The following FGF14 variants were observed in gnomAD, a reference collection of about 807,000 sequenced individuals.
The protein encoded by FGF14 is fibroblast growth factor 14, also known as fibroblast growth factor homologous factor 4.
In FGF14, 5 loss-of-function variants were observed where a neutral mutation model predicts 25.5. The observed-to-expected ratio is 0.20, with a 90% confidence interval of 0.10 to 0.41. The LOEUF is 0.41. Ranked by LOEUF, FGF14 falls within the 10% of genes least tolerant of loss-of-function variation. The probability of loss-of-function intolerance (pLI) is 1.00; values close to 1 mark genes in which losing one functional copy is unlikely to be tolerated. For missense variants in FGF14, 222 were observed against 320.1 expected (o/e 0.69, Z 2.34); for synonymous variants, 138 against 118.3 (o/e 1.17, Z -1.08).
chr13:101,854,151 T>A (rs2044003552), intron 3 of FGF14, among the ~76,000 whole-genome samples: 5 of 152,142 alleles, frequency 3.3e-5, no homozygotes. Context: ...GTACTCAAAC[T>A]GTGTGCGTAC....
intron 1 of FGF14, among the ~76,000 whole-genome samples, chr13:101,909,141 G>T: frequency 6.6e-6 from 1 of 152,164 alleles, no homozygotes; most frequent in Non-Finnish European, 1.5e-5. Context: ...AAAAACCCTA[G>T]AAGTAAACCT....
At chr13:102,010,159 T>C (rs1004319351) in intron 1 of FGF14, among the ~76,000 whole-genome samples, 17 of 152,198 alleles carry the variant, frequency 1.1e-4, no homozygotes, top group African/African-American at 4.1e-4. Flanking sequence ...ACTAGGTGCA[T>C]GGTGGAAATG....
intron 3 of FGF14, among the ~76,000 whole-genome samples, chr13:101,798,710 T>C (rs1388039430): frequency 6.6e-6 from 1 of 152,120 alleles, no homozygotes; most frequent in Non-Finnish European, 1.5e-5. Flanking sequence ...TGTGGAATCA[T>C]GGGTTGCATT....
At chr13:102,141,568 T>C (rs993528282) in intron 1 of FGF14, among the ~76,000 whole-genome samples, 8 of 152,134 alleles carry the variant, frequency 5.3e-5, no homozygotes, top group Admixed American at 2.0e-4. Context: ...AACCTGAAAA[T>C]CATGAGGAGT....
At chr13:102,078,280 A>G (rs2043455022) in intron 1 of FGF14, among the ~76,000 whole-genome samples, 2 of 152,202 alleles carry the variant, frequency 1.3e-5, no homozygotes, top group African/African-American at 4.8e-5. Context: ...ATATTTTAAG[A>G]AGTTCTCACC....
chr13:101,725,009 A>G (rs1417081079), intron 4 of FGF14, among the ~76,000 whole-genome samples: 2 of 151,940 alleles, frequency 1.3e-5, no homozygotes, highest in East Asian at 3.9e-4. Flanking sequence ...CTGGTTCCCA[A>G]ATTTTACCTC....
At chr13:102,372,202 T>C (rs1192239446) in intron 1 of FGF14, among the ~76,000 whole-genome samples, 1 of 152,208 alleles carries the variant, frequency 6.6e-6, no homozygotes, top group African/African-American at 2.4e-5. Flanking sequence ...GGATAAAACC[T>C]GCCCAACATC....
At chr13:102,017,018 G>A (rs2040382917) in intron 1 of FGF14, 1 of 161,166 alleles carries the variant, frequency 6.2e-6, no homozygotes, top group Non-Finnish European at 1.3e-5. Flanking sequence ...AATTCTATCT[G>A]TAACTGACTG....
At chr13:102,161,570 A>AGAAGAAGAAGAAGAAAGAAG (rs1555369390) in intron 1 of FGF14, among the ~76,000 whole-genome samples, 1 of 5,652 alleles carries the variant, frequency 1.8e-4, no homozygotes, top group Non-Finnish European at 2.4e-4. Context: ...TTCTGTGAAG[A>AGAAGAAGAAGAAGAAAGAAG]AAGAAAGAAG....
In FGF14 at chr13:102,338,348, A is replaced by C. The variant is rs75048839; in HGVS notation, c.208+63123T>G. On this transcript the variant is annotated intron_variant, in intron 1 of 4. Transcript: ENST00000376131. ...CCCCTTCTGCCCAGCTTAGGATGTA[A>C]ACAGTTAAGTTTCTGCTTCCTTAAA... is the stretch of plus-strand genomic sequence containing the variant. 4.2e-4 allele frequency among the ~76,000 whole-genome samples: 64 copies of C among 152,270 alleles called. No individual in the cohort carries two copies. The East Asian group carries it at 6.9e-3, about 17-fold the overall frequency.
intron 1 of FGF14, among the ~76,000 whole-genome samples, chr13:102,121,904 T>C (rs891373406): frequency 6.6e-6 from 1 of 152,208 alleles, no homozygotes; most frequent in African/African-American, 2.4e-5. Flanking sequence ...TTTAGCTTTT[T>C]TGGAGTAGCC....
intron 1 of FGF14, among the ~76,000 whole-genome samples, chr13:101,970,604 G>C (rs561662869): frequency 6.6e-6 from 1 of 152,260 alleles, no homozygotes; most frequent in Non-Finnish European, 1.5e-5. Flanking sequence ...GCACAGGAAG[G>C]GGATTTCTTT....
intron 1 of FGF14, among the ~76,000 whole-genome samples, chr13:102,112,350 T>G: frequency 6.6e-6 from 1 of 151,762 alleles, no homozygotes; most frequent in South Asian, 2.1e-4. Flanking sequence ...TCCCCCGCCT[T>G]CTCCACACCT....
chr13:101,826,081 A>G (rs548239971), intron 3 of FGF14, among the ~76,000 whole-genome samples: 52 of 152,240 alleles, frequency 3.4e-4, no homozygotes, highest in African/African-American at 1.3e-3. Flanking sequence ...ACTTTTATCT[A>G]TCATTTTAAG....
At chr13:101,923,695 A>T (rs2034167354) in intron 1 of FGF14, among the ~76,000 whole-genome samples, 1 of 152,106 alleles carries the variant, frequency 6.6e-6, no homozygotes. Context: ...CATTAATGTT[A>T]TAACAGTCTT....
At chr13:101,906,527 AAG>A (rs1359819564) in intron 1 of FGF14, among the ~76,000 whole-genome samples, 11 of 152,158 alleles carry the variant, frequency 7.2e-5, no homozygotes, top group Non-Finnish European at 1.2e-4. Flanking sequence ...TTTCAAAAGA[AAG>A]AGAATTGTTG....
intron 1 of FGF14, among the ~76,000 whole-genome samples, chr13:102,184,485 G>A (rs1439963101): frequency 6.6e-6 from 1 of 152,136 alleles, no homozygotes; most frequent in Non-Finnish European, 1.5e-5. Flanking sequence ...AGCTGTAAAT[G>A]TCTTTAATTT....
chr13:102,292,105 G>A lies in FGF14; in HGVS notation c.208+109366C>T, dbSNP rs1043326577. ...GAATGGCTGGCTGGCCGGAGCCCCC[G>A]CCAATTTGTTTTTCTGGCTTGCATT... On this transcript the variant is annotated intron_variant, in intron 1 of 4. Coordinates refer to the FGF14 transcript ENST00000376131. 6.6e-5 allele frequency among the ~76,000 whole-genome samples: 10 copies of A among 151,894 alleles called. 1 individual carries two copies. Among genetic ancestry groups the A allele is most frequent in the South Asian group, 2.1e-4 (1 of 4,810 alleles).
chr13:101,900,654 A>C (rs2031418359), intron 1 of FGF14, among the ~76,000 whole-genome samples: 2 of 152,298 alleles, frequency 1.3e-5, no homozygotes, highest in Middle Eastern at 3.4e-3. Flanking sequence ...AGAAGTCAAG[A>C]GAGTGGCTGC....
Sources: allele counts gnomAD v4.1 joint callset (sites outside exome capture counted in the v4.1 genomes callset), GRCh38; gene constraint gnomAD v4.1.1; transcripts MANE v1.5; gene names NCBI Gene and HGNC (gene_info 2026-07-23, HGNC 2026-07-21).